The following ROBO1 variants were observed in gnomAD, a reference collection of about 807,000 sequenced individuals.
The protein encoded by ROBO1 is roundabout guidance receptor 1.
Under a neutral mutation model 195.9 loss-of-function variants are expected in ROBO1, and 149 were observed. The ratio of observed to expected loss-of-function variants is 0.76; its 90% CI spans 0.67 to 0.87. The LOEUF is 0.87. Among genes scored for constraint, ROBO1 ranks in the 40% least tolerant of loss-of-function variants. The pLI is 0.00. For missense variants in ROBO1, 1,933 were observed against 2,068.3 expected (o/e 0.93, Z 1.27); for synonymous variants, 816 against 733.2 (o/e 1.11, Z -1.82).
At chr3:79,256,978 T>G (rs1026251627) in intron 2 of ROBO1, among the ~76,000 whole-genome samples, 1 of 152,154 alleles carries the variant, frequency 6.6e-6, no homozygotes, top group Non-Finnish European at 1.5e-5. Context: ...GTTAAATCAG[T>G]TAATATACCT....
intron 2 of ROBO1, among the ~76,000 whole-genome samples, chr3:79,271,386 C>T (rs1286902142): frequency 6.6e-6 from 1 of 151,960 alleles, no homozygotes; most frequent in Admixed American, 6.6e-5. Context: ...CAGCAGCTGC[C>T]TTTGATACAG....
intron 1 of ROBO1, among the ~76,000 whole-genome samples, chr3:79,724,949 CCTT>C (rs1408144421): frequency 2.0e-5 from 3 of 152,116 alleles, no homozygotes; most frequent in East Asian, 1.9e-4. Context: ...CCTTCCTTAC[CCTT>C]CTTCTTTGAT....
intron 1 of ROBO1, among the ~76,000 whole-genome samples, chr3:79,664,934 T>C (rs1455224930): frequency 6.6e-6 from 1 of 152,028 alleles, no homozygotes; most frequent in Non-Finnish European, 1.5e-5. Flanking sequence ...TTCTGTATTA[T>C]GTCATATAAA....
chr3:79,454,148 C>A (rs1291531220), intron 2 of ROBO1, among the ~76,000 whole-genome samples: 3 of 125,874 alleles, frequency 2.4e-5, no homozygotes, highest in African/African-American at 8.2e-5. Flanking sequence ...TTTTTTTTCT[C>A]CAAAACATTA....
At chr3:79,205,285 T>C (rs965915955) in intron 2 of ROBO1, among the ~76,000 whole-genome samples, 2 of 152,252 alleles carry the variant, frequency 1.3e-5, no homozygotes, top group Non-Finnish European at 2.9e-5. Context: ...TGAGCCACCA[T>C]GTCCGGCCTC....
intron 4 of ROBO1, among the ~76,000 whole-genome samples, chr3:78,880,659 T>TG (rs2036125028): frequency 6.6e-6 from 1 of 152,224 alleles, no homozygotes; most frequent in African/African-American, 2.4e-5. Flanking sequence ...ACCAGGCCGC[T>TG]GCTCTTTGAA....
chr3:78,733,911 G>C (rs886597028), intron 5 of ROBO1, among the ~76,000 whole-genome samples: 1 of 152,166 alleles, frequency 6.6e-6, no homozygotes, highest in African/African-American at 2.4e-5. Flanking sequence ...TTGCATGTCT[G>C]CTTTCTATGC....
chr3:79,395,848 T>C (rs945211846), intron 2 of ROBO1, among the ~76,000 whole-genome samples: 4 of 151,996 alleles, frequency 2.6e-5, no homozygotes, highest in African/African-American at 9.7e-5. Flanking sequence ...GATACACAGT[T>C]TTTTTCTGAT....
chr3:79,330,277 A>G lies in ROBO1; in HGVS notation c.89-204738T>C, dbSNP rs868318457. Among the ~76,000 whole-genome samples, 144 of 146,658 alleles carry G rather than the reference A, an allele frequency of 9.8e-4. 1 individual carries two copies. Among genetic ancestry groups the G allele is most frequent in the African/African-American group, 3.2e-3 (131 of 40,344 alleles). ...AAGTATAATATGTATATATATGTAT[A>G]TATATATATATATATAAAGAATTTA... On this transcript the variant is annotated intron_variant, in intron 2 of 30. Transcript: ENST00000464233.
chr3:79,256,479 A>G (rs776685089), intron 2 of ROBO1, among the ~76,000 whole-genome samples: 6 of 152,206 alleles, frequency 3.9e-5, no homozygotes, highest in Non-Finnish European at 8.8e-5. Flanking sequence ...AAGATCTTCC[A>G]TAAATGTGGA....
At chr3:78,616,205 A>C (rs567832289) in intron 27 of ROBO1, among the ~76,000 whole-genome samples, 1 of 152,330 alleles carries the variant, frequency 6.6e-6, no homozygotes, top group East Asian at 1.9e-4. Context: ...AATATTTTCT[A>C]ACGTATTCTC....
At chr3:79,093,674 CA>C (rs1185249662) in intron 3 of ROBO1, among the ~76,000 whole-genome samples, 4 of 152,010 alleles carry the variant, frequency 2.6e-5, no homozygotes, top group African/African-American at 9.7e-5. Flanking sequence ...GTTTTTAAGA[CA>C]GTATCACTTT....
chr3:79,728,742 A>G (rs2107340288), intron 1 of ROBO1, among the ~76,000 whole-genome samples: 1 of 152,240 alleles, frequency 6.6e-6, no homozygotes, highest in Admixed American at 6.5e-5. Flanking sequence ...CAGTCCCTTC[A>G]AATTGTTCCC....
intron 2 of ROBO1, among the ~76,000 whole-genome samples, chr3:79,399,446 T>C (rs2037280899): frequency 6.6e-6 from 1 of 152,178 alleles, no homozygotes; most frequent in South Asian, 2.1e-4. Context: ...TTGCATTTAC[T>C]GTGCCCACTC....
intron 3 of ROBO1, among the ~76,000 whole-genome samples, chr3:78,982,049 T>G (rs975426654): frequency 6.6e-6 from 1 of 152,106 alleles, no homozygotes; most frequent in African/African-American, 2.4e-5. Context: ...CTGGGAGACA[T>G]TATCTGCATA....
chr3:79,288,842 AC>A (rs2032058552), intron 2 of ROBO1, among the ~76,000 whole-genome samples: 1 of 151,984 alleles, frequency 6.6e-6, no homozygotes, highest in Non-Finnish European at 1.5e-5. Context: ...AGTGTGTAGA[AC>A]CCAAATAAAT....
chr3:79,301,091 G>A (rs1419848867), intron 2 of ROBO1, among the ~76,000 whole-genome samples: 1 of 152,034 alleles, frequency 6.6e-6, no homozygotes, highest in Admixed American at 6.6e-5. Context: ...TTGTTCTTTC[G>A]CTCTTTGCAA....
intron 2 of ROBO1, among the ~76,000 whole-genome samples, chr3:79,572,164 A>C (rs1377387752): frequency 6.6e-6 from 1 of 152,094 alleles, no homozygotes; most frequent in Non-Finnish European, 1.5e-5. Context: ...AATAATAATA[A>C]AAGAAAAATT....
At chr3:79,196,929 T>A (rs1233246406) in intron 2 of ROBO1, among the ~76,000 whole-genome samples, 1 of 151,826 alleles carries the variant, frequency 6.6e-6, no homozygotes, top group Non-Finnish European at 1.5e-5. Context: ...GATGATATCA[T>A]GTTTTTAAAT....
Sources: allele counts gnomAD v4.1 joint callset (sites outside exome capture counted in the v4.1 genomes callset), GRCh38; gene constraint gnomAD v4.1.1; transcripts MANE v1.5; gene names NCBI Gene and HGNC (gene_info 2026-07-23, HGNC 2026-07-21).